Variants in MYO7A observed in about 807,000 individuals in gnomAD.
MYO7A encodes the protein myosin VIIA.
MYO7A carries 210 observed loss-of-function variants against 263.8 expected under a neutral mutation model. The ratio of observed to expected loss-of-function variants is 0.80; its 90% CI spans 0.71 to 0.89. The LOEUF (loss-of-function observed/expected upper bound fraction) is 0.89. MYO7A is among the 40% of genes least tolerant of loss of function. The pLI is 0.00. For missense variants in MYO7A, 2,820 were observed against 2,968.3 expected (o/e 0.95, Z 1.16); for synonymous variants, 1,239 against 1,197.3 (o/e 1.03, Z -0.72).
chr11:77,189,920 C>T (rs1012164067), intron 28 of MYO7A, 100 bp from the exon 29 acceptor site: 7 of 1,438,748 alleles, frequency 4.9e-6, no homozygotes, highest in African/African-American at 1.4e-5. Flanking sequence ...GCAACCTGGC[C>T]TGGAGGAGCG....
At chr11:77,206,977 C>T in intron 41 of MYO7A, 1 of 245,268 alleles carries the variant, frequency 4.1e-6, no homozygotes, top group Non-Finnish European at 7.8e-6. Context: ...AAGTCTCCTC[C>T]TTCTAATCAC....
intron 27 of MYO7A, 50 bp downstream of exon 27, chr11:77,184,765 T>A: frequency 6.3e-7 from 1 of 1,580,490 alleles, no homozygotes; most frequent in Non-Finnish European, 8.6e-7. Context: ...TTTTGGTGGC[T>A]GAGTGGTGCC....
Position 77,158,299 on chromosome 11 carries a change from G to A in MYO7A, c.872G>A (p.Gly291Asp). The change falls in exon 9 of 49, where the codon GGC becomes GAC. Residue 291 changes from glycine to aspartate, a missense_variant. Physicochemically the swap from Gly to Asp is moderately conservative, Grantham distance 94 (BLOSUM62 -1). Transcript: ENST00000409709. Reference sequence around the variant, plus strand: ...CAGGGTAACTGCATAACCTGTGAGGGCCGGGTGGACAGCCAGGAGTACGCC... The same window carrying A: ...CAGGGTAACTGCATAACCTGTGAGGACCGGGTGGACAGCCAGGAGTACGCC... Reference protein sequence around the residue: ...LAMGNCITCEGRVDSQEYANI... With the variant: ...LAMGNCITCEDRVDSQEYANI... 1 of 1,609,146 alleles carries A rather than the reference G, an allele frequency of 6.2e-7. No homozygotes were observed. Among genetic ancestry groups the A allele is most frequent in the Non-Finnish European group, 8.5e-7 (1 of 1,176,806 alleles).
intron 26 of MYO7A, among the ~76,000 whole-genome samples, 177 bp downstream of exon 26, chr11:77,183,334 G>A (rs534103557): frequency 2.0e-5 from 3 of 152,276 alleles, no homozygotes; most frequent in Non-Finnish European, 4.4e-5. Context: ...GGGCGATCAG[G>A]CAGACAGGAG....
intron 3 of MYO7A, among the ~76,000 whole-genome samples, chr11:77,144,913 A>G (rs1555052800): frequency 6.6e-6 from 1 of 152,144 alleles, no homozygotes; most frequent in East Asian, 1.9e-4. Flanking sequence ...TCTTTCCCAA[A>G]GGCATCCCTG....
intron 8 of MYO7A, 75 bp from the exon 9 acceptor site, chr11:77,158,202 C>A: frequency 4.2e-6 from 6 of 1,441,656 alleles, no homozygotes; most frequent in Non-Finnish European, 5.5e-6. Flanking sequence ...GCCTTTTGGG[C>A]AGGCAGCCAG....
rs571649642 is a variant in MYO7A, at chr11:77,202,948, C to T, written c.5169-112C>T. Reference sequence around the variant, plus strand: ...AGGGAAGAGCAGGGCCTGGTGCCCACTCTCAGCCTCTGGACACAGGGATGG... The same window carrying T: ...AGGGAAGAGCAGGGCCTGGTGCCCATTCTCAGCCTCTGGACACAGGGATGG... On this transcript the variant is annotated intron_variant, in intron 37 of 48. Transcript: ENST00000409709. 1.4e-4 allele frequency: 194 copies of T among 1,364,772 alleles called. 1 individual carries two copies. In the African/African-American group the frequency reaches 2.5e-3, roughly 17 times the overall value. The allele number at this position is 1,364,772 out of a possible 1,614,324, so 84.5% of individuals were successfully genotyped here. A position where few individuals can be genotyped will look rare whatever the true frequency, so the allele number is the denominator to read the frequency against.
intron 31 of MYO7A, chr11:77,194,098 G>T: frequency 1.5e-6 from 1 of 668,004 alleles, no homozygotes; most frequent in Non-Finnish European, 2.8e-6. Flanking sequence ...GTGCCCCTGG[G>T]CAGAGTCCAG....
Position 77,194,055 on chromosome 11 carries a change from G to A in MYO7A, c.4153-299G>A, listed in dbSNP as rs538142832. Reference sequence around the variant, plus strand: ...AGGGCTGAGTGTGCAGTGGCTGCTCGATGGGCTGGCTTGTTTCTTTGCATC... The same window carrying A: ...AGGGCTGAGTGTGCAGTGGCTGCTCAATGGGCTGGCTTGTTTCTTTGCATC... On this transcript the variant is annotated intron_variant, in intron 31 of 48. Transcript: ENST00000409709. The A allele has an allele frequency of 1.5e-4, 86 of 589,042 alleles. 1 individual carries two copies. In the Middle Eastern group the frequency reaches 1.6e-3, roughly 11 times the overall value. 36.5% of individuals were successfully genotyped at this position (589,042 alleles called of 1,614,324 possible).
intron 30 of MYO7A, 94 bp from the exon 31 acceptor site, chr11:77,191,957 C>T (rs990751112): frequency 2.2e-5 from 25 of 1,146,642 alleles, no homozygotes; most frequent in African/African-American, 3.1e-5. Flanking sequence ...CGCTGGGCCT[C>T]CGTTTTCTGT....
Position 77,158,282 on chromosome 11 carries a change from C to T in MYO7A, c.855C>T (p.Asn285=), listed in dbSNP as rs1952682216. 1 of 1,603,582 alleles carries T rather than the reference C, an allele frequency of 6.2e-7. No homozygotes were observed. Among genetic ancestry groups the T allele is most frequent in the African/African-American group, 1.3e-5 (1 of 74,860 alleles). ...ASDYNYLAMG[N]CITCEGRVDS... ...TCTCCCACCCTGCCCACCAGGGTAA[C>T]TGCATAACCTGTGAGGGCCGGGTGG... The change falls in exon 9 of 49, where the codon AAC becomes AAT. Residue 285 remains asparagine (N), a synonymous_variant. Transcript: ENST00000409709.
intron 31 of MYO7A, among the ~76,000 whole-genome samples, chr11:77,193,065 TGATGGTGGAGGTAGTTGTTTG>T (rs1565443536): frequency 3.5e-4 from 36 of 101,976 alleles, no homozygotes; most frequent in African/African-American, 1.2e-3. Flanking sequence ...ATGGTGTTGG[TGATGGTGGAGGTAGTTGTTTG>T]TGATGGTGGA....
chr11:77,185,325 T>A (rs1490842329), intron 27 of MYO7A, among the ~76,000 whole-genome samples: 7 of 152,256 alleles, frequency 4.6e-5, no homozygotes, highest in Non-Finnish European at 1.0e-4. Flanking sequence ...AGAACTTCTT[T>A]CAAAATTGGA....
At chr11:77,146,669 A>G (rs1018037487) in intron 3 of MYO7A, among the ~76,000 whole-genome samples, 2 of 152,024 alleles carry the variant, frequency 1.3e-5, no homozygotes, top group African/African-American at 2.4e-5. Flanking sequence ...AGGACATGGC[A>G]TGTGCATCAC....
At chr11:77,146,911 C>A (rs1565317878) in intron 3 of MYO7A, among the ~76,000 whole-genome samples, 1 of 152,090 alleles carries the variant, frequency 6.6e-6, no homozygotes, top group Non-Finnish European at 1.5e-5. Context: ...GCTTTGCCAG[C>A]TTGTTGAAAG....
Position 77,212,282 on chromosome 11 carries a change from T to C in MYO7A, c.6354+345T>C, listed in dbSNP as rs866406359. The C allele has an allele frequency of 1.4e-5, 6 of 434,142 alleles. No homozygotes were observed. The Middle Eastern group carries it at 1.7e-3, about 121-fold the overall frequency. The allele number at this position is 434,142 out of a possible 1,614,324, so 26.9% of individuals were successfully genotyped here. On this transcript the variant is annotated intron_variant, in intron 46 of 48. Coordinates refer to ENST00000409709, the MANE Select transcript of MYO7A (RefSeq NM_000260.4). Reference sequence around the variant, plus strand: ...AGAAGGCCTCTTAGAGGAGGTGATATCTGAGCTTTCCAGGCAGACCCTGGA... The same window carrying C: ...AGAAGGCCTCTTAGAGGAGGTGATACCTGAGCTTTCCAGGCAGACCCTGGA...
chr11:77,173,675 G>A (rs79943112), intron 16 of MYO7A, among the ~76,000 whole-genome samples: 1 of 152,152 alleles, frequency 6.6e-6, no homozygotes, highest in Non-Finnish European at 1.5e-5. Flanking sequence ...CGGGATCTGG[G>A]GAGGGAAGGA....
At position 77,177,560 on chromosome 11, in the gene MYO7A, C is replaced by T; in HGVS notation, c.2199C>T (p.Asp733=). The T allele has an allele frequency of 1.2e-6, 2 of 1,610,972 alleles. No individual in the cohort carries two copies. Among genetic ancestry groups the T allele is most frequent in the Non-Finnish European group, 1.7e-6 (2 of 1,178,926 alleles). ...KTKIFLKDHH[D]MLLEVERDKA... ...GCTCTGCCTCCTAGGACCACCATGA[C>T]ATGCTGCTGGAAGTGGAGCGGGACA... The change falls in exon 19 of 49, where the codon GAC becomes GAT. Residue 733 remains aspartate, a synonymous_variant. Transcript: ENST00000409709.
chr11:77,166,073 C>T lies in MYO7A; in HGVS notation c.1708C>T (p.Arg570Ter), dbSNP rs1591310948. The change falls in exon 15 of 49, where the codon CGA (arginine) becomes TGA (stop). Residue 570 changes from arginine (R) to a stop codon, truncating the protein, a stop_gained. Transcript: ENST00000409709. LOFTEE classifies it high-confidence loss of function. ...YETQGFLEKN[R>*]DTLHGDIIQL... ...GCTTGCAGGCTTCCTGGAGAAGAAC[C>T]GAGACACCCTGCATGGGGACATTAT... The T allele has an allele frequency of 2.5e-6, 4 of 1,613,510 alleles. No homozygotes were observed. The highest frequency in any genetic ancestry group is 1.6e-4 in the Middle Eastern group (1 of 6,082).
Sources: gnomAD v4.1 joint callset for allele counts (sites outside exome capture counted in the v4.1 genomes callset) on GRCh38, gnomAD v4.1.1 for gene constraint, MANE v1.5 for transcripts, NCBI Gene and HGNC (gene_info 2026-07-23, HGNC 2026-07-21) for gene names.